Variants in CDH9 observed in about 807,000 individuals in gnomAD.
The protein encoded by CDH9 is cadherin-9.
A neutral mutation model predicts 70.9 loss-of-function variants in CDH9; 28 were observed. The ratio of observed to expected loss-of-function variants is 0.40; its 90% CI spans 0.29 to 0.54. CDH9 has a LOEUF of 0.54. Among genes scored for constraint, CDH9 ranks in the 20% least tolerant of loss-of-function variants. CDH9 has a pLI of 0.59. For synonymous variants in CDH9, 409 were observed against 343.1 expected, an observed-to-expected ratio of 1.19 and a Z score of -2.12; for missense variants, 874 against 984.4, an observed-to-expected ratio of 0.89 and a Z score of 1.50.
At chr5:26,944,077 TA>T (rs1292716240) in intron 2 of CDH9, among the ~76,000 whole-genome samples, 2 of 152,144 alleles carry the variant, frequency 1.3e-5, no homozygotes, top group Non-Finnish European at 2.9e-5. Flanking sequence ...TGCTCATGAT[TA>T]TTTTTAGTCC....
intron 2 of CDH9, among the ~76,000 whole-genome samples, chr5:26,964,038 C>G (rs1742085159): frequency 6.6e-6 from 1 of 151,894 alleles, no homozygotes. Context: ...AATATGAGTG[C>G]TCATGTTAAA....
At chr5:26,964,407 C>G (rs1232893145) in intron 2 of CDH9, among the ~76,000 whole-genome samples, 5 of 152,146 alleles carry the variant, frequency 3.3e-5, no homozygotes, top group African/African-American at 4.8e-5. Flanking sequence ...ATGTGTACAA[C>G]TATAAATCAT....
chr5:26,923,718 C>G (rs985529437), intron 2 of CDH9, among the ~76,000 whole-genome samples: 2 of 152,046 alleles, frequency 1.3e-5, no homozygotes, highest in South Asian at 4.1e-4. Context: ...AGCATGTTCT[C>G]TGACCACAAT....
intron 11 of CDH9, among the ~76,000 whole-genome samples, chr5:26,883,040 C>A: frequency 3.5e-5 from 1 of 28,378 alleles, no homozygotes; most frequent in African/African-American, 1.4e-4. Context: ...TCAGGATCAT[C>A]TTATATATAT....
chr5:26,996,714 G>T (rs570391735), intron 1 of CDH9, among the ~76,000 whole-genome samples: 1 of 151,176 alleles, frequency 6.6e-6, no homozygotes, highest in Non-Finnish European at 1.5e-5. Flanking sequence ...TCACTAGTTT[G>T]TTAAGCTTAA....
intron 1 of CDH9, chr5:27,028,497 A>G (rs981316236): frequency 6.6e-6 from 1 of 151,960 alleles, no homozygotes; most frequent in Non-Finnish European, 1.5e-5. Context: ...GTTGTAATGG[A>G]CTGGTAGTTG....
intron 2 of CDH9, among the ~76,000 whole-genome samples, chr5:26,933,984 G>A (rs1741515753): frequency 6.6e-6 from 1 of 151,912 alleles, no homozygotes; most frequent in Non-Finnish European, 1.5e-5. Context: ...TGGTTTCTTT[G>A]GCTCAAAGTT....
At chr5:26,907,902 T>C (rs1432703091) in intron 3 of CDH9, among the ~76,000 whole-genome samples, 1 of 152,126 alleles carries the variant, frequency 6.6e-6, no homozygotes, top group African/African-American at 2.4e-5. Flanking sequence ...ATAGCCCACA[T>C]GCATTACACA....
intron 1 of CDH9, among the ~76,000 whole-genome samples, chr5:27,000,525 G>A (rs1422693664): frequency 2.0e-5 from 3 of 152,086 alleles, no homozygotes; most frequent in Non-Finnish European, 4.4e-5. Context: ...AGGGACATAA[G>A]ATGACACAAT....
chr5:27,031,072 G>T (rs1743303175), intron 1 of CDH9, among the ~76,000 whole-genome samples: 1 of 151,036 alleles, frequency 6.6e-6, no homozygotes, highest in African/African-American at 2.4e-5. Context: ...CACCATAAAG[G>T]TAATTAAAGA....
intron 2 of CDH9, among the ~76,000 whole-genome samples, chr5:26,943,272 G>C (rs1335543166): frequency 6.6e-6 from 1 of 152,134 alleles, no homozygotes; most frequent in Non-Finnish European, 1.5e-5. Flanking sequence ...AGCACTTTGG[G>C]AGGCCGAGGC....
chr5:26,988,453 A>G (rs1010163728), intron 1 of CDH9, 71 bp from the exon 2 acceptor site: 2 of 1,297,380 alleles, frequency 1.5e-6, no homozygotes, highest in African/African-American at 3.0e-5. Context: ...GTAAACTGAA[A>G]TACTTATTCC....
chr5:26,983,682 G>A (rs2112086944), intron 2 of CDH9, among the ~76,000 whole-genome samples: 1 of 152,076 alleles, frequency 6.6e-6, no homozygotes, highest in Non-Finnish European at 1.5e-5. Context: ...GCTGCTCCAT[G>A]TACTGCACTA....
At chr5:26,909,514 C>G (rs1741010395) in intron 3 of CDH9, among the ~76,000 whole-genome samples, 1 of 149,394 alleles carries the variant, frequency 6.7e-6, no homozygotes, top group African/African-American at 2.5e-5. Flanking sequence ...GAGGTAAACA[C>G]GATTTTGAGA....
chr5:26,975,234 G>A (rs1175235), intron 2 of CDH9, among the ~76,000 whole-genome samples: 149,548 of 152,228 alleles, frequency 0.98, 73,526 homozygotes, highest in Middle Eastern at 1. Flanking sequence ...GATCTAGACC[G>A]GAAGTGACTA....
chr5:26,973,266 T>G (rs1299271526), intron 2 of CDH9, among the ~76,000 whole-genome samples: 4 of 151,998 alleles, frequency 2.6e-5, no homozygotes, highest in African/African-American at 9.7e-5. Context: ...CTGAATGTGC[T>G]CTCTATACCA....
At chr5:26,992,238 A>G (rs1247459280) in intron 1 of CDH9, among the ~76,000 whole-genome samples, 4 of 152,104 alleles carry the variant, frequency 2.6e-5, no homozygotes, top group African/African-American at 9.7e-5. Flanking sequence ...CTGGTCCCTA[A>G]CAGACCAGGG....
At chr5:26,957,772 C>T (rs1208486718) in intron 2 of CDH9, among the ~76,000 whole-genome samples, 1 of 152,102 alleles carries the variant, frequency 6.6e-6, no homozygotes, top group African/African-American at 2.4e-5. Flanking sequence ...AATGCAGATT[C>T]CATGGTATAA....
chr5:26,903,932 T>C (rs1740902192), intron 5 of CDH9, 108 bp from the exon 6 acceptor site: 5 of 611,856 alleles, frequency 8.2e-6, no homozygotes, highest in Admixed American at 3.5e-5. Context: ...GGAGAGTTTT[T>C]ATCATATTGA....
Sources: allele counts gnomAD v4.1 joint callset (sites outside exome capture counted in the v4.1 genomes callset), GRCh38; gene constraint gnomAD v4.1.1; transcripts MANE v1.5; gene names NCBI Gene and HGNC (gene_info 2026-07-23, HGNC 2026-07-21).